The following PSMD11 variants were observed in gnomAD, a reference collection of about 807,000 sequenced individuals.
The protein encoded by PSMD11 is proteasome 26S subunit, non-ATPase 11.
A neutral mutation model predicts 62.3 loss-of-function variants in PSMD11; 5 were observed. The ratio of observed to expected loss-of-function variants is 0.08; its 90% CI spans 0.04 to 0.17. The LOEUF (loss-of-function observed/expected upper bound fraction) is 0.17. Ranked by LOEUF, PSMD11 falls within the 10% of genes least tolerant of loss-of-function variation. PSMD11 has a pLI of 1.00. For synonymous variants in PSMD11, 191 were observed against 191.8 expected (o/e 1.00, Z 0.03); for missense variants, 310 against 512.9 (o/e 0.60, Z 3.82).
At chr17:32,444,883 G>T (rs1001356771) in intron 1 of PSMD11, 1 of 523,518 alleles carries the variant, frequency 1.9e-6, no homozygotes, top group Non-Finnish European at 3.3e-6. Context: ...GGCCGAGCCG[G>T]GCCCCCGGGG....
At chr17:32,474,006 T>C in intron 7 of PSMD11, 61 bp downstream of exon 7, 1 of 1,583,384 alleles carries the variant, frequency 6.3e-7, no homozygotes, top group Non-Finnish European at 8.6e-7. Context: ...CTGTTTGCCA[T>C]GGCAGAGATG....
chr17:32,456,807 C>T (rs1031535227), intron 3 of PSMD11, among the ~76,000 whole-genome samples: 52 of 151,846 alleles, frequency 3.4e-4, no homozygotes, highest in African/African-American at 1.0e-3. Context: ...CTGGGATTAC[C>T]GGCGTGAGCC....
intron 2 of PSMD11, among the ~76,000 whole-genome samples, chr17:32,452,989 A>G (rs1304741864): frequency 3.3e-5 from 5 of 152,244 alleles, no homozygotes; most frequent in Non-Finnish European, 5.9e-5. Context: ...ATTATCTTTA[A>G]GTATTTAAAG....
intron 3 of PSMD11, among the ~76,000 whole-genome samples, chr17:32,459,113 T>TAC (rs1273522463): frequency 3.2e-5 from 2 of 63,472 alleles, no homozygotes; most frequent in Non-Finnish European, 3.3e-5. Context: ...AAAAAAAAAA[T>TAC]ACATATATAT....
At chr17:32,446,900 T>G (rs764078287) in intron 1 of PSMD11, 45 bp from the exon 2 acceptor site, 2 of 1,435,434 alleles carry the variant, frequency 1.4e-6, no homozygotes, top group Non-Finnish European at 1.9e-6. Context: ...TCAGTCTTCA[T>G]TTTTTGGTCA....
intron 9 of PSMD11, among the ~76,000 whole-genome samples, chr17:32,478,496 T>C (rs1908394495): frequency 6.6e-6 from 1 of 152,222 alleles, no homozygotes; most frequent in South Asian, 2.1e-4. Flanking sequence ...ATGTCTGAGA[T>C]GTTTGATGGG....
rs1908552627 is a variant in PSMD11, at chr17:32,483,042, A to G, written c.*2290A>G. On this transcript the variant is annotated 3_prime_UTR_variant, in exon 14 of 14. Transcript: ENST00000261712. ...TAGGGCAGTCCTGAGATGCTCAGGCAGTAGCCCTTTTCTCAGTTCCCTTTG... is the reference window on the plus strand; with the variant it reads ...TAGGGCAGTCCTGAGATGCTCAGGCGGTAGCCCTTTTCTCAGTTCCCTTTG... 1 of 152,206 alleles carries G rather than the reference A, an allele frequency of 6.6e-6. No individual in the cohort carries two copies. The highest frequency in any genetic ancestry group is 3.2e-3 in the Middle Eastern group (1 of 316). 9.4% of individuals were successfully genotyped at this position (152,206 alleles called of 1,614,324 possible).
intron 3 of PSMD11, among the ~76,000 whole-genome samples, chr17:32,459,499 A>G (rs12450160): frequency 0.093 from 14,170 of 152,082 alleles, 886 homozygotes; most frequent in Non-Finnish European, 0.14. Flanking sequence ...CGGCCTCCCA[A>G]AGTGCTGGGA....
In PSMD11 at chr17:32,463,394, G is replaced by A. The variant is rs1454193379; in HGVS notation, c.319-655G>A. The A allele has an allele frequency of 2.6e-5, 4 of 152,234 alleles. No individual in the cohort carries two copies. The South Asian group carries it at 8.3e-4, about 32-fold the overall frequency. The allele number at this position is 152,234 out of a possible 1,614,324, so 9.4% of individuals were successfully genotyped here. ...TTTTTTTAAGACTAGTCAAAGTGCA[G>A]TAGTGAGAAGCAGGGAAAGAGTAGA... is the stretch of plus-strand genomic sequence containing the variant. On this transcript the variant is annotated intron_variant, in intron 3 of 13. Coordinates refer to ENST00000261712, the MANE Select transcript of PSMD11 (RefSeq NM_002815.4).
intron 5 of PSMD11, among the ~76,000 whole-genome samples, chr17:32,468,514 T>A (rs1344728230): frequency 1.3e-5 from 2 of 152,204 alleles, no homozygotes; most frequent in African/African-American, 4.8e-5. Flanking sequence ...ATGGTGTAAG[T>A]CTGTTTGAAT....
intron 3 of PSMD11, chr17:32,463,316 C>T (rs928814707): frequency 3.3e-5 from 5 of 151,912 alleles, no homozygotes; most frequent in African/African-American, 7.3e-5. Context: ...AGCTTAAAAG[C>T]GCTTTTACGT....
At chr17:32,480,718 C>T in intron 13 of PSMD11, 35 bp from the exon 14 acceptor site, 1 of 1,461,214 alleles carries the variant, frequency 6.8e-7, no homozygotes, top group Non-Finnish European at 9.4e-7. Flanking sequence ...GTCCTCATGG[C>T]TTCCTGATTG....
At chr17:32,465,221 A>C (rs1456402828) in intron 5 of PSMD11, among the ~76,000 whole-genome samples, 1 of 152,052 alleles carries the variant, frequency 6.6e-6, no homozygotes, top group African/African-American at 2.4e-5. Flanking sequence ...TTCAGGTTCA[A>C]GCGATTCTCC....
intron 9 of PSMD11, 119 bp downstream of exon 9, chr17:32,477,702 A>G: frequency 1.2e-6 from 1 of 867,656 alleles, no homozygotes. Flanking sequence ...GATTCCATGT[A>G]TCCTTCACCT....
In PSMD11 at chr17:32,470,069, G is replaced by A. The variant is rs543328927; in HGVS notation, c.643+876G>A. On this transcript the variant is annotated intron_variant, in intron 6 of 13. Transcript: ENST00000261712. ...ACTCTGTTGCCCAGGTTGGAGCACA[G>A]TGGTGCAGTCACAGCTTACCACAGC... is the stretch of plus-strand genomic sequence containing the variant. Among the ~76,000 whole-genome samples, 13 of 151,708 alleles carry A rather than the reference G, an allele frequency of 8.6e-5. No individual in the cohort carries two copies. The East Asian group carries it at 2.3e-3, about 27-fold the overall frequency.
chr17:32,473,613 C>G (rs1458084186), intron 6 of PSMD11, among the ~76,000 whole-genome samples, 188 bp from the exon 7 acceptor site: 2 of 150,936 alleles, frequency 1.3e-5, no homozygotes, highest in Non-Finnish European at 2.9e-5. Flanking sequence ...TGGGGTCTTA[C>G]TATGTTACTC....
chr17:32,460,478 A>G (rs534338630), intron 3 of PSMD11, among the ~76,000 whole-genome samples: 117 of 152,292 alleles, frequency 7.7e-4, no homozygotes, highest in Non-Finnish European at 1.1e-3. Flanking sequence ...GACTAACTAT[A>G]AGACAGATAT....
At position 32,451,394 on chromosome 17, in the gene PSMD11, G is replaced by T. The variant is rs187842462; in HGVS notation, c.194-3101G>T. ...CAGAGCAGATAGTCTCTGTAAATAA[G>T]TTCAGGTCTCTAGGCTCTAACAGTT... On this transcript the variant is annotated intron_variant, in intron 2 of 13. Coordinates refer to ENST00000261712, the MANE Select transcript of PSMD11 (RefSeq NM_002815.4). Among the ~76,000 whole-genome samples, 95 of 152,242 alleles carry T rather than the reference G, an allele frequency of 6.2e-4. 1 individual carries two copies. Among genetic ancestry groups the T allele is most frequent in the African/African-American group, 2.2e-3 (93 of 41,548 alleles).
intron 7 of PSMD11, 189 bp downstream of exon 7, chr17:32,474,134 C>G (rs908975591): frequency 1.6e-6 from 1 of 606,176 alleles, no homozygotes; most frequent in East Asian, 2.8e-5. Context: ...GCTAGTCTTT[C>G]AGAATCAGGC....
Sources: gnomAD v4.1 joint callset for allele counts (sites outside exome capture counted in the v4.1 genomes callset) on GRCh38, gnomAD v4.1.1 for gene constraint, MANE v1.5 for transcripts, NCBI Gene and HGNC (gene_info 2026-07-23, HGNC 2026-07-21) for gene names.